Variants in RBFOX1 observed in about 807,000 individuals in gnomAD.
The protein encoded by RBFOX1 is RNA binding protein fox-1 homolog 1.
RBFOX1 carries 8 observed loss-of-function variants against 57.7 expected under a neutral mutation model. The observed-to-expected ratio is 0.14, with a 90% confidence interval of 0.08 to 0.25. The LOEUF is 0.25. Among genes scored for constraint, RBFOX1 ranks in the 10% least tolerant of loss-of-function variants. The pLI is 1.00. For synonymous variants in RBFOX1, 326 were observed against 222.4 expected (o/e 1.47, Z -4.15); for missense variants, 611 against 548.5 (o/e 1.11, Z -1.14).
intron 1 of RBFOX1, among the ~76,000 whole-genome samples, chr16:5,378,427 G>T (rs568663603): frequency 2.0e-5 from 3 of 151,444 alleles, no homozygotes; most frequent in Admixed American, 2.0e-4. Flanking sequence ...GCCTCCCTTC[G>T]AACACTCCAG....
intron 4 of RBFOX1, among the ~76,000 whole-genome samples, chr16:7,400,882 A>G (rs4787013): frequency 0.8 from 121,572 of 152,142 alleles, 48,681 homozygotes; most frequent in Admixed American, 0.82. Flanking sequence ...ATAGCAGAAA[A>G]CAGTGCGGTT....
At chr16:5,710,140 C>T (rs1392382390) in intron 3 of RBFOX1, among the ~76,000 whole-genome samples, 3 of 151,726 alleles carry the variant, frequency 2.0e-5, no homozygotes, top group East Asian at 3.9e-4. Context: ...TAAGCTCCCA[C>T]GAAATTCCTA....
Position 6,919,425 on chromosome 16 carries a change from G to C in RBFOX1, c.-15-132632G>C, listed in dbSNP as rs138619255. On this transcript the variant is annotated intron_variant, in intron 3 of 15. Coordinates refer to ENST00000550418, the MANE Select transcript of RBFOX1 (RefSeq NM_018723.4). Reference sequence around the variant, plus strand: ...TTTATAGACCAAAAAATAAAATAAAGCTCCCCCAAACTGGAACATAGAGGG... The same window carrying C: ...TTTATAGACCAAAAAATAAAATAAACCTCCCCCAAACTGGAACATAGAGGG... Among the ~76,000 whole-genome samples the C allele has an allele frequency of 4.3e-3, 646 of 148,900 alleles. 7 individuals carry two copies. Among genetic ancestry groups the C allele is most frequent in the African/African-American group, 0.015 (623 of 40,318 alleles).
At chr16:6,210,345 C>CAA (rs770814967) in intron 1 of RBFOX1, among the ~76,000 whole-genome samples, 27 of 26,002 alleles carry the variant, frequency 1.0e-3, no homozygotes, top group South Asian at 6.1e-3. Flanking sequence ...AACAAAAAAA[C>CAA]AAAAAAAAAA....
At chr16:7,181,919 GA>G (rs535969372) in intron 4 of RBFOX1, among the ~76,000 whole-genome samples, 5 of 151,666 alleles carry the variant, frequency 3.3e-5, no homozygotes, top group Non-Finnish European at 5.9e-5. Flanking sequence ...AATTTCTACG[GA>G]AAAAAAACTC....
At chr16:7,115,048 C>T (rs2065587971) in intron 4 of RBFOX1, among the ~76,000 whole-genome samples, 1 of 152,176 alleles carries the variant, frequency 6.6e-6, no homozygotes, top group South Asian at 2.1e-4. Context: ...TTCTTCAACT[C>T]ACTGAGTTTG....
chr16:6,261,825 G>A (rs929336893), intron 1 of RBFOX1, among the ~76,000 whole-genome samples: 6 of 151,460 alleles, frequency 4.0e-5, no homozygotes, highest in South Asian at 2.1e-4. Context: ...ATGAAACCCC[G>A]TCTTTACTAA....
chr16:6,778,614 C>G (rs8056009), intron 3 of RBFOX1, among the ~76,000 whole-genome samples: 16,434 of 152,004 alleles, frequency 0.11, 984 homozygotes, highest in African/African-American at 0.15. Context: ...CTATAGAATG[C>G]AATTAGTTAA....
chr16:6,797,398 GAGAGAA>G (rs2084327721), intron 3 of RBFOX1, among the ~76,000 whole-genome samples: 1 of 152,112 alleles, frequency 6.6e-6, no homozygotes, highest in Admixed American at 6.6e-5. Context: ...AAGAGAGAGC[GAGAGAA>G]AGGGGGAGAG....
rs182905296 is a variant in RBFOX1 at position 7,071,024 on chromosome 16, G to T, written c.27+18926G>T. 2.0e-5 allele frequency among the ~76,000 whole-genome samples: 3 copies of T among 152,282 alleles called. No homozygotes were observed. In the South Asian group the frequency reaches 6.2e-4, roughly 32 times the overall value. Reference sequence around the variant, plus strand: ...CCTCAAGCTACATTTGCCATTAAGAGAAATGAACTTCAAAAAACAGCATAG... The same window carrying T: ...CCTCAAGCTACATTTGCCATTAAGATAAATGAACTTCAAAAAACAGCATAG... On this transcript the variant is annotated intron_variant, in intron 4 of 15. Transcript: ENST00000550418.
intron 2 of RBFOX1, among the ~76,000 whole-genome samples, chr16:6,608,836 C>G (rs1201231686): frequency 6.6e-6 from 1 of 152,232 alleles, no homozygotes; most frequent in East Asian, 1.9e-4. Flanking sequence ...TGCAGTGTGT[C>G]TCACTGGACT....
chr16:7,577,812 T>C (rs1417608055), intron 5 of RBFOX1, among the ~76,000 whole-genome samples: 2 of 152,218 alleles, frequency 1.3e-5, no homozygotes, highest in African/African-American at 2.4e-5. Context: ...TGTGGCAAGA[T>C]TGAGCCCAGG....
intron 4 of RBFOX1, among the ~76,000 whole-genome samples, chr16:7,493,140 A>T (rs910316725): frequency 6.6e-6 from 1 of 152,114 alleles, no homozygotes; most frequent in Non-Finnish European, 1.5e-5. Context: ...CTGCCTCCCA[A>T]AGTGCTGGGA....
At chr16:6,899,970 G>A (rs996727432) in intron 3 of RBFOX1, among the ~76,000 whole-genome samples, 1 of 152,164 alleles carries the variant, frequency 6.6e-6, no homozygotes, top group Non-Finnish European at 1.5e-5. Context: ...CTTGGACAAG[G>A]TTAATTTGCC....
At chr16:5,262,398 A>T (rs758450645) in intron 1 of RBFOX1, among the ~76,000 whole-genome samples, 1 of 152,308 alleles carries the variant, frequency 6.6e-6, no homozygotes, top group African/African-American at 2.4e-5. Context: ...TCCACTGAAG[A>T]CCTGAACAAA....
At chr16:7,338,476 G>A (rs1603624425) in intron 4 of RBFOX1, among the ~76,000 whole-genome samples, 1 of 152,116 alleles carries the variant, frequency 6.6e-6, no homozygotes, top group East Asian at 1.9e-4. Context: ...GCTCACTGTA[G>A]CCTCGAACTC....
At chr16:6,490,354 A>G (rs1368997063) in intron 2 of RBFOX1, among the ~76,000 whole-genome samples, 1 of 152,216 alleles carries the variant, frequency 6.6e-6, no homozygotes, top group Non-Finnish European at 1.5e-5. Context: ...AAATGAGTAC[A>G]TGGATGGAAC....
intron 2 of RBFOX1, among the ~76,000 whole-genome samples, chr16:6,647,723 G>A (rs2098545409): frequency 6.6e-6 from 1 of 152,130 alleles, no homozygotes. Context: ...ATGTATCTGG[G>A]ATGAGGTGTG....
At chr16:7,600,349 G>A (rs6500998) in intron 9 of RBFOX1, among the ~76,000 whole-genome samples, 139,030 of 152,258 alleles carry the variant, frequency 0.91, 63,772 homozygotes, top group African/African-American at 0.96. Flanking sequence ...GAACTTTGGT[G>A]TTCAAAGAAA....
Sources: allele counts gnomAD v4.1 joint callset (sites outside exome capture counted in the v4.1 genomes callset), GRCh38; gene constraint gnomAD v4.1.1; transcripts MANE v1.5; gene names NCBI Gene and HGNC (gene_info 2026-07-23, HGNC 2026-07-21).